Variants in CDK5RAP2 observed in about 807,000 individuals in gnomAD.
CDK5RAP2 encodes the protein CDK5 regulatory subunit associated protein 2.
CDK5RAP2 carries 147 observed loss-of-function variants against 232.9 expected under a neutral mutation model. The ratio of observed to expected loss-of-function variants is 0.63; its 90% CI spans 0.55 to 0.72. The LOEUF (loss-of-function observed/expected upper bound fraction) is 0.72, where lower values mean the gene tolerates loss of function less well. Ranked by LOEUF, CDK5RAP2 falls within the 30% of genes least tolerant of loss-of-function variation. The pLI is 0.00. For missense variants in CDK5RAP2, 2,195 were observed against 2,231.5 expected, an observed-to-expected ratio of 0.98 and a Z score of 0.33; for synonymous variants, 833 against 833.7, an observed-to-expected ratio of 1.00 and a Z score of 0.01.
chr9:120,513,865 G>C (rs2040205437), intron 12 of CDK5RAP2, among the ~76,000 whole-genome samples: 1 of 152,202 alleles, frequency 6.6e-6, no homozygotes, highest in Admixed American at 6.5e-5. Flanking sequence ...TGGTGAGTAG[G>C]AGGCACTCCA....
chr9:120,490,844 G>A (rs1012304747), intron 13 of CDK5RAP2, among the ~76,000 whole-genome samples: 1 of 152,106 alleles, frequency 6.6e-6, no homozygotes, highest in Admixed American at 6.5e-5. Flanking sequence ...AGAGTTAAAT[G>A]CCTATGTTTA....
intron 12 of CDK5RAP2, among the ~76,000 whole-genome samples, chr9:120,497,180 G>A (rs2039329133): frequency 7.6e-6 from 1 of 131,546 alleles, no homozygotes; most frequent in East Asian, 2.5e-4. Context: ...GGCGGTGCAA[G>A]ATGTGCTTTG....
chr9:120,505,827 C>CA (rs1275341127), intron 12 of CDK5RAP2, among the ~76,000 whole-genome samples: 3 of 151,960 alleles, frequency 2.0e-5, no homozygotes, highest in African/African-American at 7.2e-5. Context: ...GAAGAAGCTG[C>CA]AAAAAGAAAA....
chr9:120,535,950 G>A (rs1317745368), intron 7 of CDK5RAP2, among the ~76,000 whole-genome samples: 1 of 152,112 alleles, frequency 6.6e-6, no homozygotes, highest in Non-Finnish European at 1.5e-5. Context: ...GTTCACTTTG[G>A]GAAGAACCAC....
intron 26 of CDK5RAP2, among the ~76,000 whole-genome samples, chr9:120,421,992 C>T (rs1387220950): frequency 6.6e-6 from 1 of 152,218 alleles, no homozygotes. Flanking sequence ...CCTACAACAG[C>T]AGCTGACACA....
In CDK5RAP2 at chr9:120,471,792, C is replaced by A. The variant is rs750049337; in HGVS notation, c.1814G>T (p.Arg605Leu). 12 of 1,613,872 alleles carry A rather than the reference C, an allele frequency of 7.4e-6. No individual in the cohort carries two copies. Among genetic ancestry groups the A allele is most frequent in the Non-Finnish European group, 1.0e-5 (12 of 1,179,870 alleles). Residue 605 changes from arginine (R) to leucine (L), a missense_variant, in exon 16 of 38, where the codon CGG becomes CTG. Transcript: ENST00000349780. ...EQDVLSYQNL[R>L]KTLEEQISEI... ...GCTGATCTGCTCCTCCAAGGTCTTC[C>A]GCAAATTCTGATATGAAAGCACATC...
intron 14 of CDK5RAP2, among the ~76,000 whole-genome samples, chr9:120,478,538 A>C (rs2038141505): frequency 6.6e-6 from 1 of 152,178 alleles, no homozygotes; most frequent in Non-Finnish European, 1.5e-5. Flanking sequence ...GTGGGAGGCC[A>C]AGGCGGGAAA....
At chr9:120,527,191 C>T (rs1046149730) in intron 10 of CDK5RAP2, among the ~76,000 whole-genome samples, 10 of 152,220 alleles carry the variant, frequency 6.6e-5, no homozygotes, top group African/African-American at 2.4e-4. Flanking sequence ...CAGCTACCAC[C>T]TTGGATCACA....
chr9:120,397,374 T>G (rs2032567108), intron 35 of CDK5RAP2, among the ~76,000 whole-genome samples: 1 of 151,594 alleles, frequency 6.6e-6, no homozygotes, highest in Non-Finnish European at 1.5e-5. Context: ...ATCTATAAAA[T>G]ATTTTACTAG....
intron 12 of CDK5RAP2, among the ~76,000 whole-genome samples, chr9:120,499,040 C>A (rs2039451467): frequency 2.0e-5 from 3 of 152,162 alleles, no homozygotes; most frequent in African/African-American, 7.2e-5. Flanking sequence ...CCACCACTCC[C>A]ATCCTTGGAT....
At chr9:120,425,031 C>T (rs1289634517) in intron 25 of CDK5RAP2, among the ~76,000 whole-genome samples, 5 of 152,156 alleles carry the variant, frequency 3.3e-5, no homozygotes, top group African/African-American at 1.2e-4. Flanking sequence ...ATATCTTCCT[C>T]AGGAACTTCA....
At chr9:120,531,491 T>C (rs1416398591) in intron 7 of CDK5RAP2, among the ~76,000 whole-genome samples, 1 of 152,220 alleles carries the variant, frequency 6.6e-6, no homozygotes, top group Non-Finnish European at 1.5e-5. Flanking sequence ...TCTGAGCCTG[T>C]GCCTCCTCAG....
At position 120,407,100 on chromosome 9, in the gene CDK5RAP2, C is replaced by A. The variant is rs1259620922; in HGVS notation, c.4875G>T (p.Arg1625Ser). The change falls in exon 32 of 38, where the codon AGG (arginine) becomes AGT (serine). Residue 1625 changes from arginine to serine, a missense_variant. By Grantham distance (110) the Arg-to-Ser change is moderately radical. Transcript: ENST00000349780. Reference protein sequence around the residue: ...LQSRLKEQLARGAEKAQEGAL... With the variant: ...LQSRLKEQLASGAEKAQEGAL... ...CTCCTTCCTGTGCCTTCTCTGCCCC[C>A]CTTGCCAGCTGTTCCTTGAGCCTGC... The A allele has an allele frequency of 1.2e-6, 2 of 1,614,124 alleles. No homozygotes were observed. The highest frequency in any genetic ancestry group is 8.5e-7 in the Non-Finnish European group (1 of 1,180,040).
intron 12 of CDK5RAP2, among the ~76,000 whole-genome samples, chr9:120,492,777 T>A (rs1266271958): frequency 6.6e-6 from 1 of 152,180 alleles, no homozygotes; most frequent in Admixed American, 6.5e-5. Flanking sequence ...ACTGTGTGAG[T>A]ATATATAACA....
intron 3 of CDK5RAP2, among the ~76,000 whole-genome samples, chr9:120,559,867 G>A (rs1479873361): frequency 2.0e-5 from 3 of 152,160 alleles, no homozygotes; most frequent in African/African-American, 7.2e-5. Context: ...CTACTAGTCA[G>A]TCATTCTGGG....
Position 120,520,722 on chromosome 9 carries a change from T to G in CDK5RAP2, c.1093-2077A>C, listed in dbSNP as rs376153482. On this transcript the variant is annotated intron_variant, in intron 11 of 37. Coordinates refer to ENST00000349780, the MANE Select transcript of CDK5RAP2 (RefSeq NM_018249.6). ...ACACGATACATCTCATATATCATGA[T>G]ATATCATATATGTATCATGTGATAT... Among the ~76,000 whole-genome samples the G allele has an allele frequency of 1.0e-4, 12 of 120,460 alleles. 1 individual carries two copies. In the South Asian group the frequency reaches 1.1e-3, roughly 11 times the overall value. The allele number at this position is 120,460 out of a possible 152,430, so 79.0% of individuals were successfully genotyped here.
intron 13 of CDK5RAP2, among the ~76,000 whole-genome samples, chr9:120,489,996 G>A (rs758609253): frequency 1.3e-4 from 20 of 152,016 alleles, no homozygotes; most frequent in Admixed American, 3.3e-4. Flanking sequence ...TAGTAGAGAC[G>A]GAGTTTCTCC....
chr9:120,482,996 G>T (rs750514203), intron 14 of CDK5RAP2, among the ~76,000 whole-genome samples: 1 of 152,102 alleles, frequency 6.6e-6, no homozygotes, highest in African/African-American at 2.4e-5. Context: ...AGATCTCCTC[G>T]GCACACAGGC....
intron 21 of CDK5RAP2, among the ~76,000 whole-genome samples, chr9:120,452,238 GTCTCTC>G (rs373806149): frequency 0.016 from 2,270 of 142,928 alleles, 64 homozygotes; most frequent in East Asian, 0.091. Flanking sequence ...TATAATGGCA[GTCTCTC>G]TCTCTCTCTC....
Sources: gnomAD v4.1 joint callset for allele counts (sites outside exome capture counted in the v4.1 genomes callset) on GRCh38, gnomAD v4.1.1 for gene constraint, MANE v1.5 for transcripts, NCBI Gene and HGNC (gene_info 2026-07-23, HGNC 2026-07-21) for gene names.